Variants in CRACD observed in about 807,000 individuals in gnomAD.
CRACD encodes capping protein-inhibiting regulator of actin dynamics.
A neutral mutation model predicts 106.8 loss-of-function variants in CRACD; 56 were observed. The observed-to-expected ratio is 0.52, with a 90% CI of 0.42 to 0.66. The LOEUF (loss-of-function observed/expected upper bound fraction) is 0.66. Ranked by LOEUF, CRACD falls within the 30% of genes least tolerant of loss-of-function variation. CRACD has a pLI of 0.00. For missense variants in CRACD, 1,730 were observed against 1,623.2 expected, an observed-to-expected ratio of 1.07 and a Z score of -1.13; for synonymous variants, 754 against 670.8, an observed-to-expected ratio of 1.12 and a Z score of -1.92.
At chr4:56,054,468 G>A (rs778550916) in intron 1 of CRACD, among the ~76,000 whole-genome samples, 4 of 152,112 alleles carry the variant, frequency 2.6e-5, no homozygotes, top group Non-Finnish European at 4.4e-5. Flanking sequence ...AGCGTGAGCC[G>A]CCACTCAGTG....
At chr4:56,283,066 C>G (rs1017881356) in intron 3 of CRACD, among the ~76,000 whole-genome samples, 1 of 152,140 alleles carries the variant, frequency 6.6e-6, no homozygotes, top group Admixed American at 6.5e-5. Context: ...TGCTGAGCTC[C>G]AGGTCACAGA....
intron 1 of CRACD, among the ~76,000 whole-genome samples, chr4:56,134,093 C>T (rs769845810): frequency 2.0e-5 from 3 of 151,716 alleles, no homozygotes; most frequent in Non-Finnish European, 2.9e-5. Flanking sequence ...CCCAGCTCCT[C>T]GAGAGGCTGA....
intron 1 of CRACD, among the ~76,000 whole-genome samples, chr4:56,085,910 T>C (rs1286339845): frequency 6.6e-6 from 1 of 152,236 alleles, no homozygotes; most frequent in Non-Finnish European, 1.5e-5. Context: ...TAATATTATG[T>C]ATTTATTCAT....
intron 1 of CRACD, among the ~76,000 whole-genome samples, chr4:56,144,620 C>G (rs11133425): frequency 0.085 from 12,728 of 150,424 alleles, 983 homozygotes; most frequent in East Asian, 0.41. Flanking sequence ...GCATATTTTT[C>G]TTAAAAATTA....
At chr4:56,324,959 A>G (rs1457348564) in intron 10 of CRACD, among the ~76,000 whole-genome samples, 2 of 152,192 alleles carry the variant, frequency 1.3e-5, no homozygotes, top group African/African-American at 4.8e-5. Flanking sequence ...CATTATTTGT[A>G]TGTATTAAAA....
At chr4:56,077,894 C>A (rs1732896976) in intron 1 of CRACD, among the ~76,000 whole-genome samples, 1 of 152,114 alleles carries the variant, frequency 6.6e-6, no homozygotes, top group Admixed American at 6.5e-5. Context: ...GCTGCTTTGC[C>A]TGCAGGTATT....
At chr4:56,229,249 C>A (rs1374565618) in intron 2 of CRACD, among the ~76,000 whole-genome samples, 1 of 152,144 alleles carries the variant, frequency 6.6e-6, no homozygotes, top group African/African-American at 2.4e-5. Flanking sequence ...AAGGTGGGGC[C>A]TTTCGGAGGT....
intron 2 of CRACD, among the ~76,000 whole-genome samples, chr4:56,235,162 G>A (rs551833126): frequency 1.3e-5 from 2 of 152,168 alleles, no homozygotes; most frequent in South Asian, 2.1e-4. Context: ...TGGGAGTAGG[G>A]GAAAAAATTG....
At chr4:56,069,005 G>A (rs1005014788) in intron 1 of CRACD, among the ~76,000 whole-genome samples, 2 of 152,178 alleles carry the variant, frequency 1.3e-5, no homozygotes, top group African/African-American at 2.4e-5. Context: ...AAGAGGACAC[G>A]GAGACATAGA....
chr4:56,206,876 A>C (rs1477226096), intron 2 of CRACD, among the ~76,000 whole-genome samples: 2 of 152,190 alleles, frequency 1.3e-5, no homozygotes, highest in Non-Finnish European at 2.9e-5. Context: ...TCATGGTCGC[A>C]CATTTCTTTG....
intron 1 of CRACD, among the ~76,000 whole-genome samples, chr4:56,106,726 T>A (rs1260343263): frequency 1.3e-5 from 2 of 152,208 alleles, no homozygotes; most frequent in African/African-American, 2.4e-5. Context: ...AATAATCAGA[T>A]CTCATTTGGA....
chr4:56,115,956 T>C (rs562632747), intron 1 of CRACD, among the ~76,000 whole-genome samples: 12 of 152,336 alleles, frequency 7.9e-5, no homozygotes, highest in African/African-American at 2.9e-4. Context: ...TGACCCATTT[T>C]CAGAATCAAA....
At chr4:56,131,764 A>G (rs1181041933) in intron 1 of CRACD, among the ~76,000 whole-genome samples, 3 of 152,184 alleles carry the variant, frequency 2.0e-5, no homozygotes, top group Non-Finnish European at 4.4e-5. Context: ...ATTCTTATAA[A>G]GCCTTCCCCC....
At chr4:56,084,549 T>C (rs1294385948) in intron 1 of CRACD, among the ~76,000 whole-genome samples, 1 of 152,226 alleles carries the variant, frequency 6.6e-6, no homozygotes, top group African/African-American at 2.4e-5. Context: ...ATATTAATGA[T>C]GTTGTTAATA....
chr4:56,132,753 A>G (rs1734868622), intron 1 of CRACD, among the ~76,000 whole-genome samples: 1 of 152,218 alleles, frequency 6.6e-6, no homozygotes, highest in Admixed American at 6.5e-5. Flanking sequence ...AGGACGCAGC[A>G]TAAGACAGGA....
intron 1 of CRACD, among the ~76,000 whole-genome samples, chr4:56,149,836 A>T (rs1313863955): frequency 6.6e-6 from 1 of 152,236 alleles, no homozygotes; most frequent in Non-Finnish European, 1.5e-5. Flanking sequence ...TGTCAAAGTC[A>T]TGTAAATTTC....
chr4:56,327,382 TAGATA>T (rs1746516855), intron 10 of CRACD, among the ~76,000 whole-genome samples: 1 of 152,106 alleles, frequency 6.6e-6, no homozygotes. Context: ...AAATTTCAGT[TAGATA>T]AGAGGAATAA....
chr4:56,186,930 A>G lies in CRACD; in HGVS notation c.-189+7500A>G, dbSNP rs372995163. On this transcript the variant is annotated intron_variant, in intron 2 of 10. Transcript: ENST00000682029. ...ATTTTTAGAAAATTAGCCAGGCATG[A>G]TGGCGCACCCCTGTGGTCCCAGCTA... is the stretch of plus-strand genomic sequence containing the variant. Among the ~76,000 whole-genome samples the G allele has an allele frequency of 5.6e-4, 85 of 152,178 alleles. No homozygotes were observed. The South Asian group carries it at 0.017, about 30-fold the overall frequency.
intron 1 of CRACD, among the ~76,000 whole-genome samples, chr4:56,154,903 A>T (rs1735717035): frequency 6.6e-6 from 1 of 152,216 alleles, no homozygotes; most frequent in South Asian, 2.1e-4. Flanking sequence ...TATCTAAGAG[A>T]TATTTTAGAC....
Sources: gnomAD v4.1 joint callset for allele counts (sites outside exome capture counted in the v4.1 genomes callset) on GRCh38, gnomAD v4.1.1 for gene constraint, MANE v1.5 for transcripts, NCBI Gene and HGNC (gene_info 2026-07-23, HGNC 2026-07-21) for gene names.